The following OSBP2 variants were observed in gnomAD, a reference collection of about 807,000 sequenced individuals.
OSBP2 encodes the protein oxysterol-binding protein 2.
A neutral mutation model predicts 96.0 loss-of-function variants in OSBP2; 66 were observed. The observed-to-expected ratio is 0.69, with a 90% CI of 0.56 to 0.84. The LOEUF is 0.84. OSBP2 is among the 40% of genes least tolerant of loss of function. The pLI is 0.00. For synonymous variants in OSBP2, 525 were observed against 520.9 expected, an observed-to-expected ratio of 1.01 and a Z score of -0.11; for missense variants, 1,038 against 1,222.7, an observed-to-expected ratio of 0.85 and a Z score of 2.25.
intron 2 of OSBP2, among the ~76,000 whole-genome samples, chr22:30,792,381 TA>T (rs1375268271): frequency 6.6e-5 from 10 of 152,116 alleles, no homozygotes; most frequent in African/African-American, 2.2e-4. Context: ...TGAATACAAG[TA>T]TTTTTTTCAT....
intron 2 of OSBP2, among the ~76,000 whole-genome samples, chr22:30,835,155 T>C (rs978106322): frequency 6.6e-6 from 1 of 152,196 alleles, no homozygotes; most frequent in Non-Finnish European, 1.5e-5. Context: ...TTAATTTTGA[T>C]GTTTAATTTA....
intron 9 of OSBP2, 92 bp from the exon 10 acceptor site, chr22:30,893,371 C>G (rs2039996185): frequency 6.5e-7 from 1 of 1,539,610 alleles, no homozygotes; most frequent in Non-Finnish European, 9.0e-7. Context: ...CTTCAACCCC[C>G]CAGCCTAGTT....
At chr22:30,901,846 G>C (rs991311556) in intron 12 of OSBP2, among the ~76,000 whole-genome samples, 13 of 152,024 alleles carry the variant, frequency 8.6e-5, no homozygotes, top group Admixed American at 7.9e-4. Flanking sequence ...CCTGGACGAC[G>C]AGTGAAATTC....
chr22:30,721,629 A>G (rs767626615), intron 1 of OSBP2, among the ~76,000 whole-genome samples: 1 of 152,196 alleles, frequency 6.6e-6, no homozygotes, highest in African/African-American at 2.4e-5. Flanking sequence ...TCGCTTTTAC[A>G]TAAGACCATT....
intron 2 of OSBP2, among the ~76,000 whole-genome samples, chr22:30,838,662 T>C (rs1189324880): frequency 6.6e-6 from 1 of 152,126 alleles, no homozygotes; most frequent in East Asian, 1.9e-4. Flanking sequence ...TTCTGAGAGA[T>C]TTTATGACGA....
chr22:30,837,879 A>G (rs2038669097), intron 2 of OSBP2, among the ~76,000 whole-genome samples: 1 of 152,178 alleles, frequency 6.6e-6, no homozygotes, highest in African/African-American at 2.4e-5. Context: ...CCTCTTTAGA[A>G]TAATGTAGGT....
At chr22:30,710,687 T>C (rs1350715630) in intron 1 of OSBP2, among the ~76,000 whole-genome samples, 2 of 152,072 alleles carry the variant, frequency 1.3e-5, no homozygotes, top group Non-Finnish European at 2.9e-5. Flanking sequence ...CTCAGCTCAC[T>C]GTAACCTCCA....
intron 2 of OSBP2, chr22:30,764,178 A>G (rs1267530483): frequency 2.1e-6 from 2 of 944,498 alleles, no homozygotes; most frequent in Non-Finnish European, 2.5e-6. Flanking sequence ...CCTACCCTCC[A>G]TTGATGTCAT....
At chr22:30,865,108 C>A (rs2039305787) in intron 2 of OSBP2, among the ~76,000 whole-genome samples, 1 of 152,216 alleles carries the variant, frequency 6.6e-6, no homozygotes, top group South Asian at 2.1e-4. Flanking sequence ...AAATAGCCCA[C>A]CTGGCTCCCC....
Position 30,887,424 on chromosome 22 carries a change from A to G in OSBP2, c.1108-2A>G. ...CTCATACCGCCACTCCTCCCTCCCC[A>G]GGCCTGCAGGGACTTCTTGGAACTA... On this transcript the variant is annotated splice_acceptor_variant, in intron 3 of 13. Coordinates refer to ENST00000332585, the MANE Select transcript of OSBP2 (RefSeq NM_030758.4). LOFTEE classifies it high-confidence loss of function. 1 of 1,610,606 alleles carries G rather than the reference A, an allele frequency of 6.2e-7. No individual in the cohort carries two copies. The highest frequency in any genetic ancestry group is 8.5e-7 in the Non-Finnish European group (1 of 1,177,680).
intron 1 of OSBP2, 34 bp downstream of exon 1, chr22:30,695,587 GAGGGTGGTGATGCTGC>G (rs775304641): frequency 1.3e-5 from 20 of 1,576,754 alleles, no homozygotes; most frequent in Non-Finnish European, 1.7e-5. Context: ...ATGGGGGTTG[GAGGGTGGTGATGCTGC>G]AGGGATGGTG....
At chr22:30,750,032 G>A (rs1317486970) in intron 2 of OSBP2, among the ~76,000 whole-genome samples, 1 of 152,234 alleles carries the variant, frequency 6.6e-6, no homozygotes, top group Non-Finnish European at 1.5e-5. Flanking sequence ...TGAAAGGTCA[G>A]AGCCAGAGGG....
chr22:30,865,783 G>A (rs996265570), intron 2 of OSBP2, among the ~76,000 whole-genome samples: 1 of 152,120 alleles, frequency 6.6e-6, no homozygotes, highest in Non-Finnish European at 1.5e-5. Flanking sequence ...CCTTCCCAGA[G>A]CAGCCACTAA....
chr22:30,878,754 G>A (rs1338774496), intron 3 of OSBP2, among the ~76,000 whole-genome samples: 1 of 152,154 alleles, frequency 6.6e-6, no homozygotes, highest in African/African-American at 2.4e-5. Context: ...TTTGGTGCCT[G>A]CCGCAGGGCT....
chr22:30,770,503 T>C (rs1602239259), intron 2 of OSBP2: 1 of 152,234 alleles, frequency 6.6e-6, no homozygotes, highest in African/African-American at 2.4e-5. Flanking sequence ...ATTAGCAAGA[T>C]GAGAATAGAC....
chr22:30,849,520 C>T (rs5997781), intron 2 of OSBP2, among the ~76,000 whole-genome samples: 28 of 152,214 alleles, frequency 1.8e-4, no homozygotes, highest in African/African-American at 6.5e-4. Flanking sequence ...TCTTCATGTT[C>T]TTATTAGCCA....
intron 1 of OSBP2, among the ~76,000 whole-genome samples, chr22:30,710,436 A>G (rs565919659): frequency 6.6e-6 from 1 of 152,184 alleles, no homozygotes; most frequent in South Asian, 2.1e-4. Flanking sequence ...CACTACTGTC[A>G]TTACCCTTAA....
chr22:30,757,637 C>CA (rs984979966), intron 2 of OSBP2, among the ~76,000 whole-genome samples: 3 of 152,020 alleles, frequency 2.0e-5, no homozygotes, highest in Admixed American at 6.6e-5. Context: ...AGGCTGGTCT[C>CA]AAACTCCTGA....
chr22:30,803,166 C>A, intron 2 of OSBP2: 1 of 166,060 alleles, frequency 6.0e-6, no homozygotes, highest in Non-Finnish European at 1.3e-5. Flanking sequence ...CACCCGAGAG[C>A]CCCTCCCTGG....
Sources: gnomAD v4.1 joint callset for allele counts (sites outside exome capture counted in the v4.1 genomes callset) on GRCh38, gnomAD v4.1.1 for gene constraint, MANE v1.5 for transcripts, NCBI Gene and HGNC (gene_info 2026-07-23, HGNC 2026-07-21) for gene names.